MORC1: variants seen among roughly 807,000 people sequenced by gnomAD.
MORC1 encodes the protein MORC family CW-type zinc finger 1, also known as MORC family CW-type zinc finger protein 1.
MORC1 carries 59 observed loss-of-function variants against 134.9 expected under a neutral mutation model. That is an observed-to-expected ratio of 0.44 (90% CI 0.35 to 0.54). The LOEUF (loss-of-function observed/expected upper bound fraction) is 0.54. Ranked by LOEUF, MORC1 falls within the 20% of genes least tolerant of loss-of-function variation. MORC1 has a pLI of 0.00. For missense variants in MORC1, 947 were observed against 1,134.5 expected, an observed-to-expected ratio of 0.83 and a Z score of 2.37; for synonymous variants, 395 against 391.7, an observed-to-expected ratio of 1.01 and a Z score of -0.10.
intron 12 of MORC1, 24 bp downstream of exon 12, chr3:109,059,782 C>A (rs201464155): frequency 3.9e-5 from 62 of 1,602,374 alleles, no homozygotes; most frequent in African/African-American, 1.3e-5. Flanking sequence ...AGGATTCCTG[C>A]AAACAGAAAA....
At chr3:109,005,042 T>C in intron 19 of MORC1, 28 bp downstream of exon 19, 1 of 1,593,106 alleles carries the variant, frequency 6.3e-7, no homozygotes, top group Non-Finnish European at 8.5e-7. Flanking sequence ...GAGTGAATTG[T>C]TTTGTGAATA....
chr3:108,960,990 AT>A (rs1947065880), intron 27 of MORC1, among the ~76,000 whole-genome samples: 1 of 152,174 alleles, frequency 6.6e-6, no homozygotes, highest in South Asian at 2.1e-4. Context: ...TAAAGTTTAC[AT>A]TTTGACTTTT....
intron 26 of MORC1, among the ~76,000 whole-genome samples, chr3:108,969,195 TG>T (rs1398564801): frequency 6.6e-6 from 1 of 152,194 alleles, no homozygotes; most frequent in Non-Finnish European, 1.5e-5. Context: ...CTTGAGGCTA[TG>T]GATGAATTTT....
At chr3:109,071,779 C>T (rs1950322991) in intron 8 of MORC1, among the ~76,000 whole-genome samples, 1 of 152,130 alleles carries the variant, frequency 6.6e-6, no homozygotes, top group Non-Finnish European at 1.5e-5. Context: ...TTCAGCCCAG[C>T]ATGTAGCGAA....
At chr3:109,053,776 T>C (rs966320528) in intron 14 of MORC1, among the ~76,000 whole-genome samples, 1 of 152,192 alleles carries the variant, frequency 6.6e-6, no homozygotes, top group Non-Finnish European at 1.5e-5. Flanking sequence ...TTCTAAAATA[T>C]ATGTTGAAAA....
At chr3:109,047,576 T>C (rs887606666) in intron 14 of MORC1, among the ~76,000 whole-genome samples, 2 of 152,098 alleles carry the variant, frequency 1.3e-5, no homozygotes, top group African/African-American at 4.8e-5. Context: ...GTCAATTTGA[T>C]GAACTCCTGA....
chr3:109,040,665 A>G (rs991504091), intron 14 of MORC1, among the ~76,000 whole-genome samples: 1 of 151,642 alleles, frequency 6.6e-6, no homozygotes, highest in Admixed American at 6.6e-5. Context: ...CCCCATCTCT[A>G]CTAAAAATAC....
intron 13 of MORC1, among the ~76,000 whole-genome samples, chr3:109,056,632 G>A (rs1025191817): frequency 6.6e-6 from 1 of 152,186 alleles, no homozygotes; most frequent in African/African-American, 2.4e-5. Context: ...TTAGCAAAAG[G>A]AGCATTTATC....
At chr3:108,976,771 T>C (rs1379497620) in intron 24 of MORC1, among the ~76,000 whole-genome samples, 2 of 152,156 alleles carry the variant, frequency 1.3e-5, no homozygotes. Context: ...TTGGTAACAG[T>C]ATGATGATTC....
chr3:109,012,545 T>C (rs1297600124), intron 17 of MORC1, among the ~76,000 whole-genome samples: 1 of 152,230 alleles, frequency 6.6e-6, no homozygotes, highest in African/African-American at 2.4e-5. Context: ...TTCAAACTCA[T>C]GACATGGAAT....
intron 21 of MORC1, among the ~76,000 whole-genome samples, chr3:108,995,289 A>G (rs557917343): frequency 6.6e-6 from 1 of 152,338 alleles, no homozygotes; most frequent in East Asian, 1.9e-4. Flanking sequence ...AGGCTAGCAT[A>G]CCTATAAAAG....
At chr3:108,996,286 G>GCGCGCACACACA in intron 21 of MORC1, among the ~76,000 whole-genome samples, 86 of 146,466 alleles carry the variant, frequency 5.9e-4, no homozygotes, top group African/African-American at 1.9e-3. Flanking sequence ...GCGCGCGCGC[G>GCGCGCACACACA]CACACACACA....
At chr3:109,050,437 G>A (rs1360934317) in intron 14 of MORC1, among the ~76,000 whole-genome samples, 3 of 152,118 alleles carry the variant, frequency 2.0e-5, no homozygotes, top group Non-Finnish European at 4.4e-5. Flanking sequence ...AAGGGGATAA[G>A]GGGTCTCTCT....
chr3:108,996,466 C>A (rs1378136201), intron 21 of MORC1, among the ~76,000 whole-genome samples: 1 of 152,044 alleles, frequency 6.6e-6, no homozygotes, highest in Non-Finnish European at 1.5e-5. Context: ...CAAATATCTC[C>A]GAAGGTCCAA....
chr3:109,111,114 T>G (rs537578671), intron 2 of MORC1, among the ~76,000 whole-genome samples: 1 of 150,318 alleles, frequency 6.7e-6, no homozygotes, highest in African/African-American at 2.4e-5. Flanking sequence ...TGGAATGTTT[T>G]TCATATTTTA....
At position 109,105,808 on chromosome 3, in the gene MORC1, G is replaced by A. The variant is rs144398574; in HGVS notation, c.155-1891C>T. ...TTTATAATTTCATGGTGATGTGCCC[G>A]CTTCTAATCCCCTCTTCTCTCCAAT... On this transcript the variant is annotated intron_variant, in intron 3 of 27. Coordinates refer to ENST00000232603, the MANE Select transcript of MORC1 (RefSeq NM_014429.4). 1.9e-3 allele frequency among the ~76,000 whole-genome samples: 292 copies of A among 152,100 alleles called. 5 individuals are homozygous for A. The East Asian group carries it at 0.032, about 17-fold the overall frequency.
At position 109,091,898 on chromosome 3, in the gene MORC1, G is replaced by C. The variant is rs531826856; in HGVS notation, c.689+1538C>G. 2.0e-5 allele frequency among the ~76,000 whole-genome samples: 3 copies of C among 152,272 alleles called. No homozygotes were observed. In the East Asian group the frequency reaches 5.8e-4, roughly 29 times the overall value. On this transcript the variant is annotated intron_variant, in intron 8 of 27. Transcript: ENST00000232603. ...TTGTAATTAACTGCCTAAATGGCTA[G>C]AGAAGCTCTGGCTTCATTACACAAT...
At chr3:108,962,982 A>G (rs549749621) in intron 27 of MORC1, among the ~76,000 whole-genome samples, 1 of 152,248 alleles carries the variant, frequency 6.6e-6, no homozygotes, top group African/African-American at 2.4e-5. Flanking sequence ...GTCACATGTT[A>G]TTAAGGGGAC....
intron 17 of MORC1, chr3:109,019,061 T>C (rs1948895114): frequency 6.6e-6 from 1 of 152,170 alleles, no homozygotes; most frequent in Non-Finnish European, 1.5e-5. Context: ...CCCTAAATGT[T>C]CAGAGAAGCT....
Sources: allele counts gnomAD v4.1 joint callset (sites outside exome capture counted in the v4.1 genomes callset), GRCh38; gene constraint gnomAD v4.1.1; transcripts MANE v1.5; gene names NCBI Gene and HGNC (gene_info 2026-07-23, HGNC 2026-07-21).